The following PLCL1 variants were observed in gnomAD, a reference collection of about 807,000 sequenced individuals.
PLCL1 encodes phospholipase C like 1 (inactive), also known as inactive phospholipase C-like protein 1.
Under a neutral mutation model 84.4 loss-of-function variants are expected in PLCL1, and 41 were observed. The ratio of observed to expected loss-of-function variants is 0.49; its 90% CI spans 0.38 to 0.63. PLCL1 has a LOEUF of 0.63. Among genes scored for constraint, PLCL1 ranks in the 30% least tolerant of loss-of-function variants. PLCL1 has a pLI of 0.00. For missense variants in PLCL1, 1,206 were observed against 1,367.8 expected (o/e 0.88, Z 1.87); for synonymous variants, 490 against 488.3 (o/e 1.00, Z -0.05).
At chr2:197,890,555 G>A (rs1687994574) in intron 1 of PLCL1, among the ~76,000 whole-genome samples, 1 of 151,500 alleles carries the variant, frequency 6.6e-6, no homozygotes, top group Non-Finnish European at 1.5e-5. Flanking sequence ...TTCAAATTAA[G>A]AAATAAAGAA....
chr2:198,063,616 A>C (rs1189978172), intron 1 of PLCL1, among the ~76,000 whole-genome samples: 1 of 152,176 alleles, frequency 6.6e-6, no homozygotes, highest in Non-Finnish European at 1.5e-5. Context: ...ATCATGTGAG[A>C]GCTGTTTTTC....
At chr2:197,931,879 T>C (rs1688942724) in intron 1 of PLCL1, among the ~76,000 whole-genome samples, 1 of 152,152 alleles carries the variant, frequency 6.6e-6, no homozygotes, top group Non-Finnish European at 1.5e-5. Context: ...TTTAAATTGT[T>C]AAGGTTAAAA....
At chr2:198,046,788 G>C (rs950080127) in intron 1 of PLCL1, among the ~76,000 whole-genome samples, 2 of 152,108 alleles carry the variant, frequency 1.3e-5, no homozygotes, top group Non-Finnish European at 2.9e-5. Context: ...GCAGTGAGCT[G>C]TGATTGAGCC....
At position 198,101,355 on chromosome 2, in the gene PLCL1, A is replaced by G; in HGVS notation, c.2990A>G (p.Lys997Arg). 6.5e-7 allele frequency: 1 copy of G among 1,527,320 alleles called. No homozygotes were observed. The highest frequency in any genetic ancestry group is 1.9e-5 in the Admixed American group (1 of 52,892). The allele number at this position is 1,527,320 out of a possible 1,614,324, so 94.6% of individuals were successfully genotyped here. ...CAGGAAAAGATTGTACAGTGTCAGA[A>G]AGCAGGTAATTGTTTTTAATTTTTT... ...TVQEKIVQCQ[K>R]AGMEFHEELH... Residue 997 changes from lysine to arginine, a missense_variant, in exon 4 of 6, where the codon AAA (lysine) becomes AGA (arginine). Transcript: ENST00000428675.
In PLCL1 at chr2:198,146,777, T is replaced by C. The variant is rs774894836; in HGVS notation, c.3106-3T>C. The C allele has an allele frequency of 1.2e-6, 2 of 1,608,488 alleles. No individual in the cohort carries two copies. The highest frequency in any genetic ancestry group is 1.1e-5 in the South Asian group (1 of 90,514). ...TTTGATGCCTGTTTTTTTCTGTTTG[T>C]AGGGCCAAGGAGATCTGTTGAAGAA... On this transcript the variant is annotated splice_polypyrimidine_tract_variant and splice_region_variant and intron_variant, in intron 5 of 5. Coordinates refer to ENST00000428675, the MANE Select transcript of PLCL1 (RefSeq NM_006226.4).
chr2:198,108,009 T>C (rs1429668597), intron 5 of PLCL1, among the ~76,000 whole-genome samples: 1 of 151,916 alleles, frequency 6.6e-6, no homozygotes, highest in Non-Finnish European at 1.5e-5. Context: ...CTGGGCTCTG[T>C]TGGAGACTTT....
chr2:197,971,280 GA>G (rs1243908825), intron 1 of PLCL1, among the ~76,000 whole-genome samples: 2 of 152,224 alleles, frequency 1.3e-5, no homozygotes, highest in South Asian at 4.1e-4. Context: ...CAGCTGTGGG[GA>G]CTGCACATGT....
intron 1 of PLCL1, among the ~76,000 whole-genome samples, chr2:197,881,192 ATCAGCTGC>A (rs1248452428): frequency 6.6e-6 from 1 of 152,172 alleles, no homozygotes; most frequent in Non-Finnish European, 1.5e-5. Flanking sequence ...TGAAGGGGTA[ATCAGCTGC>A]TAGTGTTTCT....
chr2:198,003,678 C>G (rs1295462501), intron 1 of PLCL1, among the ~76,000 whole-genome samples: 1 of 152,172 alleles, frequency 6.6e-6, no homozygotes. Context: ...AATGCTCACT[C>G]TGTCATCATT....
At chr2:197,923,460 C>T (rs1211276774) in intron 1 of PLCL1, among the ~76,000 whole-genome samples, 70 of 143,606 alleles carry the variant, frequency 4.9e-4, no homozygotes, top group South Asian at 4.7e-4. Flanking sequence ...CGGGCAGAGA[C>T]GCTCCTCACC....
intron 5 of PLCL1, among the ~76,000 whole-genome samples, chr2:198,138,509 CA>C (rs1184613120): frequency 2.0e-5 from 3 of 152,096 alleles, no homozygotes; most frequent in Non-Finnish European, 2.9e-5. Flanking sequence ...CTCTAAAATA[CA>C]AATCAGAATA....
At chr2:197,888,876 CTAATGAG>C (rs1175208064) in intron 1 of PLCL1, among the ~76,000 whole-genome samples, 1 of 151,874 alleles carries the variant, frequency 6.6e-6, no homozygotes, top group Non-Finnish European at 1.5e-5. Context: ...TTATTAAATG[CTAATGAG>C]TAATAAAGGA....
intron 1 of PLCL1, among the ~76,000 whole-genome samples, chr2:198,061,928 G>A (rs1206883128): frequency 6.6e-6 from 1 of 152,172 alleles, no homozygotes; most frequent in Non-Finnish European, 1.5e-5. Flanking sequence ...CAATAGGTAC[G>A]TTGATTCTTA....
intron 5 of PLCL1, among the ~76,000 whole-genome samples, chr2:198,111,546 T>C (rs1004637246): frequency 6.6e-6 from 1 of 151,936 alleles, no homozygotes; most frequent in Non-Finnish European, 1.5e-5. Context: ...ACATGCTATA[T>C]GAGTGTTTGT....
At chr2:197,964,461 T>G (rs1689687813) in intron 1 of PLCL1, among the ~76,000 whole-genome samples, 1 of 152,198 alleles carries the variant, frequency 6.6e-6, no homozygotes, top group Non-Finnish European at 1.5e-5. Context: ...ATCCTGTAAC[T>G]TTACAAAATT....
intron 1 of PLCL1, among the ~76,000 whole-genome samples, chr2:197,872,075 A>G (rs1559031257): frequency 6.6e-6 from 1 of 152,132 alleles, no homozygotes; most frequent in Non-Finnish European, 1.5e-5. Context: ...ACCTTTTGTG[A>G]GTAACTCGGA....
At chr2:197,943,875 A>T (rs1169304336) in intron 1 of PLCL1, among the ~76,000 whole-genome samples, 1 of 152,092 alleles carries the variant, frequency 6.6e-6, no homozygotes, top group Non-Finnish European at 1.5e-5. Flanking sequence ...CAGTCAGATA[A>T]TTTACCAGCT....
At chr2:197,983,720 C>T (rs181766389) in intron 1 of PLCL1, among the ~76,000 whole-genome samples, 2 of 152,126 alleles carry the variant, frequency 1.3e-5, no homozygotes, top group African/African-American at 4.8e-5. Flanking sequence ...CTGTAGGGAT[C>T]GAGTTAGAAT....
chr2:197,865,338 C>T (rs189806125), intron 1 of PLCL1, among the ~76,000 whole-genome samples: 1 of 152,216 alleles, frequency 6.6e-6, no homozygotes, highest in East Asian at 1.9e-4. Context: ...CACTAGATTC[C>T]AGCTCACCTT....
Sources: allele counts gnomAD v4.1 joint callset (sites outside exome capture counted in the v4.1 genomes callset), GRCh38; gene constraint gnomAD v4.1.1; transcripts MANE v1.5; gene names NCBI Gene and HGNC (gene_info 2026-07-23, HGNC 2026-07-21).